Variants in KANSL1 observed in about 807,000 individuals in gnomAD.
KANSL1 encodes the protein KAT8 regulatory NSL complex subunit 1.
In KANSL1, 22 loss-of-function variants were observed where a neutral mutation model predicts 103.6. The observed-to-expected ratio is 0.21, with a 90% CI of 0.15 to 0.30. KANSL1 has a LOEUF of 0.30. Among genes scored for constraint, KANSL1 ranks in the 10% least tolerant of loss-of-function variants. The probability of loss-of-function intolerance (pLI) is 1.00; values close to 1 mark genes in which losing one functional copy is unlikely to be tolerated. For synonymous variants in KANSL1, 600 were observed against 527.6 expected, an observed-to-expected ratio of 1.14 and a Z score of -1.88; for missense variants, 1,337 against 1,399.8, an observed-to-expected ratio of 0.96 and a Z score of 0.72.
intron 2 of KANSL1, among the ~76,000 whole-genome samples, chr17:46,168,014 C>T (rs1484117428): frequency 6.6e-6 from 1 of 152,230 alleles, no homozygotes; most frequent in African/African-American, 2.4e-5. Context: ...ACCTAGCCCA[C>T]CACTCTATCT....
upstream of KANSL1, among the ~76,000 whole-genome samples, chr17:46,197,212 T>C (rs955721532): frequency 2.6e-5 from 4 of 152,290 alleles, no homozygotes; most frequent in African/African-American, 9.6e-5. Flanking sequence ...TCTTTGTCTG[T>C]GTTCTCTCTA....
rs1299903735 is a variant in KANSL1 at position 46,031,299 on chromosome 17, CA to C, written c.*176del. 2.9e-6 allele frequency: 2 copies of C among 693,780 alleles called. No individual in the cohort carries two copies. The highest frequency in any genetic ancestry group is 2.9e-5 in the Admixed American group (1 of 33,950). The allele number at this position is 693,780 out of a possible 1,614,324, so 43.0% of individuals were successfully genotyped here. ...GGTGTGTGACAAGAAAACATGGAAA[CA>C]AAAACAAAACAAAAATTAAAACAAG... On this transcript the variant is annotated 3_prime_UTR_variant, in exon 15 of 15. Coordinates refer to ENST00000432791, the MANE Select transcript of KANSL1 (RefSeq NM_015443.4).
chr17:46,224,197 C>T (rs1345897526), upstream of KANSL1, among the ~76,000 whole-genome samples: 1 of 152,246 alleles, frequency 6.6e-6, no homozygotes, highest in Non-Finnish European at 1.5e-5. Context: ...ATCATCCCGA[C>T]TGTCCCAAGA....
chr17:46,191,868 T>C (rs975210229), intron 1 of KANSL1, among the ~76,000 whole-genome samples: 2 of 152,154 alleles, frequency 1.3e-5, no homozygotes, highest in South Asian at 2.1e-4. Flanking sequence ...CTCGGAACTT[T>C]GGGGACCGCG....
At chr17:46,059,643 AAAAAAG>A (rs1408945862) in intron 6 of KANSL1, among the ~76,000 whole-genome samples, 2 of 49,364 alleles carry the variant, frequency 4.1e-5, no homozygotes, top group Non-Finnish European at 7.3e-5. Context: ...AAAAAAAAAA[AAAAAAG>A]AGAGAGAGAG....
At chr17:46,108,914 A>G (rs2042684824) in intron 2 of KANSL1, among the ~76,000 whole-genome samples, 1 of 152,220 alleles carries the variant, frequency 6.6e-6, no homozygotes, top group South Asian at 2.1e-4. Context: ...AAATAAAGCT[A>G]TATTACAAAG....
intron 1 of KANSL1, among the ~76,000 whole-genome samples, chr17:46,218,344 AG>A (rs1163416329): frequency 1.3e-5 from 2 of 152,260 alleles, no homozygotes; most frequent in African/African-American, 4.8e-5. Flanking sequence ...ATCCTTATAA[AG>A]TCCACTCTAG....
chr17:46,120,562 G>T (rs2147183216), intron 2 of KANSL1, among the ~76,000 whole-genome samples: 1 of 152,266 alleles, frequency 6.6e-6, no homozygotes, highest in South Asian at 2.1e-4. Context: ...CAGACCCCCA[G>T]AAATGACCTC....
At chr17:46,050,179 G>A (rs1189043741) in intron 7 of KANSL1, 2 of 206,272 alleles carry the variant, frequency 9.7e-6, no homozygotes, top group African/African-American at 4.6e-5. Context: ...GCCTCCCAAA[G>A]TGCTGGGATT....
intron 2 of KANSL1, among the ~76,000 whole-genome samples, chr17:46,128,303 T>C (rs1322334288): frequency 6.6e-6 from 1 of 152,210 alleles, no homozygotes; most frequent in African/African-American, 2.4e-5. Flanking sequence ...ACCATACTTG[T>C]CAGTTACAAT....
chr17:46,071,992 C>G (rs2078596987), intron 4 of KANSL1, among the ~76,000 whole-genome samples: 1 of 150,080 alleles, frequency 6.7e-6, no homozygotes, highest in Admixed American at 6.6e-5. Flanking sequence ...ACCCCTCCCC[C>G]CGCCCCGATT....
rs1046627773 is a variant in KANSL1, at chr17:46,076,678, A to C, written c.1533+5763T>G. On this transcript the variant is annotated intron_variant, in intron 4 of 14. Coordinates refer to ENST00000432791, the MANE Select transcript of KANSL1 (RefSeq NM_015443.4). ...CTAACATTGACTCTTCTAACACATA[A>C]ATACAGCATACATCTCCGTTCACTT... is the stretch of plus-strand genomic sequence containing the variant. 2.0e-5 allele frequency among the ~76,000 whole-genome samples: 3 copies of C among 150,700 alleles called. No individual in the cohort carries two copies. The Admixed American group carries it at 2.0e-4, about 10-fold the overall frequency.
chr17:46,151,723 T>C (rs1212281793), intron 2 of KANSL1, among the ~76,000 whole-genome samples: 2 of 152,262 alleles, frequency 1.3e-5, no homozygotes. Flanking sequence ...TATTCATCAT[T>C]GCAACTTACA....
In KANSL1 at chr17:46,094,762, G is replaced by A; in HGVS notation, c.1290-61C>T. 8.1e-6 allele frequency: 13 copies of A among 1,595,794 alleles called. No individual in the cohort carries two copies. The South Asian group carries it at 1.1e-4, about 14-fold the overall frequency. On this transcript the variant is annotated intron_variant, in intron 2 of 14. Coordinates refer to ENST00000432791, the MANE Select transcript of KANSL1 (RefSeq NM_015443.4). ...GCAGTAATATCTATACCAGATTGGG[G>A]GGTGGGGAGTGGAATTTAACTTTTA...
At chr17:46,150,217 A>G (rs377340766) in intron 2 of KANSL1, among the ~76,000 whole-genome samples, 1 of 151,142 alleles carries the variant, frequency 6.6e-6, no homozygotes, top group Non-Finnish European at 1.5e-5. Context: ...ATACTGCTCT[A>G]ATTCCAAACC....
intron 1 of KANSL1, among the ~76,000 whole-genome samples, chr17:46,212,971 T>G (rs1182204254): frequency 6.6e-6 from 1 of 152,276 alleles, no homozygotes; most frequent in East Asian, 1.9e-4. Context: ...TATTTCTTCC[T>G]TATGAACTCT....
At chr17:46,208,852 C>CAAA (rs35006267) in intron 1 of KANSL1, among the ~76,000 whole-genome samples, 1 of 102,032 alleles carries the variant, frequency 9.8e-6, no homozygotes. Flanking sequence ...GACTCCGTCT[C>CAAA]AAAAAAAAAA....
chr17:46,222,876 G>A lies in KANSL1; in HGVS notation c.-90+795C>T, dbSNP rs1189328818. On this transcript the variant is annotated intron_variant, in intron 1 of 14. Transcript: ENST00000572904. ...GTTTTTATTTAATTTTTTTTTTAAT[G>A]TATTTTTAGTCACAAGAAAATCAAA... 2.6e-5 allele frequency: 4 copies of A among 151,600 alleles called. No individual in the cohort carries two copies. The East Asian group carries it at 7.8e-4, about 29-fold the overall frequency. The allele number at this position is 151,600 out of a possible 1,614,324, so 9.4% of individuals were successfully genotyped here.
chr17:46,172,180 T>C lies in KANSL1; in HGVS notation c.-37A>G, dbSNP rs1406200046. ...AGACAGGAAGTCCAGCCTCTCCCGA[T>C]GCCGAGGCCGAGGCCAGCTCCACGG... On this transcript the variant is annotated 5_prime_UTR_variant, in exon 2 of 15. Transcript: ENST00000432791. 1.5e-5 allele frequency: 23 copies of C among 1,580,230 alleles called. No homozygotes were observed. The highest frequency in any genetic ancestry group is 2.2e-5 in the East Asian group (1 of 44,466).
Sources: allele counts gnomAD v4.1 joint callset (sites outside exome capture counted in the v4.1 genomes callset), GRCh38; gene constraint gnomAD v4.1.1; transcripts MANE v1.5; gene names NCBI Gene and HGNC (gene_info 2026-07-23, HGNC 2026-07-21).